Variants in ATP6V1H observed in about 807,000 individuals in gnomAD.
ATP6V1H encodes the protein ATPase H+ transporting V1 subunit H.
In ATP6V1H, 39 loss-of-function variants were observed where a neutral mutation model predicts 71.7. The observed-to-expected ratio is 0.54, with a 90% confidence interval of 0.42 to 0.71. ATP6V1H has a LOEUF of 0.71. Ranked by LOEUF, ATP6V1H falls within the 30% of genes least tolerant of loss-of-function variation. ATP6V1H has a pLI of 0.00. For synonymous variants in ATP6V1H, 192 were observed against 199.3 expected (o/e 0.96, Z 0.31); for missense variants, 509 against 594.9 (o/e 0.86, Z 1.50).
chr8:53,828,467 C>T (rs1810892567), intron 4 of ATP6V1H, among the ~76,000 whole-genome samples: 1 of 152,190 alleles, frequency 6.6e-6, no homozygotes, highest in African/African-American at 2.4e-5. Context: ...TGCCGACTCA[C>T]AGCTCCCTCA....
chr8:53,747,066 A>G (rs1296965071), intron 12 of ATP6V1H, among the ~76,000 whole-genome samples: 1 of 152,240 alleles, frequency 6.6e-6, no homozygotes, highest in Non-Finnish European at 1.5e-5. Flanking sequence ...AAACTTTTAA[A>G]TATTCTAAAA....
chr8:53,729,279 G>A (rs1475108734), intron 13 of ATP6V1H, among the ~76,000 whole-genome samples: 1 of 152,134 alleles, frequency 6.6e-6, no homozygotes, highest in South Asian at 2.1e-4. Context: ...TGGAAGAGAG[G>A]AAGAAGAAAA....
chr8:53,772,306 CT>C, intron 9 of ATP6V1H, 139 bp from the exon 10 acceptor site: 2 of 668,496 alleles, frequency 3.0e-6, no homozygotes, highest in East Asian at 5.6e-5. Flanking sequence ...ATGACTCTAT[CT>C]CAAATCCTTA....
At chr8:53,801,098 A>G (rs1447702192) in intron 8 of ATP6V1H, among the ~76,000 whole-genome samples, 1 of 152,224 alleles carries the variant, frequency 6.6e-6, no homozygotes, top group Non-Finnish European at 1.5e-5. Flanking sequence ...GAAAAGACCT[A>G]GAATATTTGG....
Position 53,811,151 on chromosome 8 carries a change from G to A in ATP6V1H, c.579+13C>T, listed in dbSNP as rs1810261274. 1 of 1,610,552 alleles carries A rather than the reference G, an allele frequency of 6.2e-7. No individual in the cohort carries two copies. Among genetic ancestry groups the A allele is most frequent in the Non-Finnish European group, 8.5e-7 (1 of 1,177,374 alleles). Reference sequence around the variant, plus strand: ...TTTTGGGGATGTTTAGGCCAGTGAAGGAATATACTTACATCACTTGAAGAG... The same window carrying A: ...TTTTGGGGATGTTTAGGCCAGTGAAAGAATATACTTACATCACTTGAAGAG... On this transcript the variant is annotated intron_variant, in intron 7 of 13. Coordinates refer to ENST00000359530, the MANE Select transcript of ATP6V1H (RefSeq NM_015941.4).
chr8:53,804,924 A>AT (rs1249009960), intron 7 of ATP6V1H, among the ~76,000 whole-genome samples: 2 of 152,212 alleles, frequency 1.3e-5, no homozygotes, highest in Non-Finnish European at 1.5e-5. Context: ...TATTACAGTG[A>AT]AAGTCACAAC....
chr8:53,836,796 T>A (rs1277708231), intron 2 of ATP6V1H, among the ~76,000 whole-genome samples: 1 of 152,200 alleles, frequency 6.6e-6, no homozygotes, highest in African/African-American at 2.4e-5. Flanking sequence ...TATATAATCA[T>A]GCACATGTTA....
chr8:53,735,239 A>T (rs1406237736), intron 13 of ATP6V1H, among the ~76,000 whole-genome samples: 3 of 152,226 alleles, frequency 2.0e-5, no homozygotes, highest in Non-Finnish European at 2.9e-5. Context: ...GTGGAGGCTT[A>T]TCCAATACAA....
At chr8:53,724,485 G>A (rs974494805) in intron 13 of ATP6V1H, among the ~76,000 whole-genome samples, 5 of 151,682 alleles carry the variant, frequency 3.3e-5, no homozygotes, top group African/African-American at 1.2e-4. Flanking sequence ...GCTACATATG[G>A]CCAGAAGACT....
chr8:53,822,286 A>C (rs1810687893), intron 4 of ATP6V1H, among the ~76,000 whole-genome samples: 2 of 152,192 alleles, frequency 1.3e-5, no homozygotes, highest in South Asian at 4.1e-4. Context: ...TGGCAAAAGA[A>C]CCAGTGGTGA....
At chr8:53,790,117 T>C (rs1809522134) in intron 9 of ATP6V1H, among the ~76,000 whole-genome samples, 1 of 152,220 alleles carries the variant, frequency 6.6e-6, no homozygotes, top group Non-Finnish European at 1.5e-5. Context: ...GGACCCTCTC[T>C]CTCTAGTCTT....
chr8:53,803,266 G>A (rs1809974811), intron 7 of ATP6V1H, among the ~76,000 whole-genome samples: 1 of 152,084 alleles, frequency 6.6e-6, no homozygotes, highest in African/African-American at 2.4e-5. Flanking sequence ...GAACCCAGGA[G>A]GCAGAGGTTG....
At chr8:53,732,587 T>C (rs1225429372) in intron 13 of ATP6V1H, among the ~76,000 whole-genome samples, 1 of 151,034 alleles carries the variant, frequency 6.6e-6, no homozygotes. Context: ...CAAATTCCTT[T>C]AGAGTGACTC....
chr8:53,809,768 A>C (rs1810211923), intron 7 of ATP6V1H, among the ~76,000 whole-genome samples: 1 of 152,240 alleles, frequency 6.6e-6, no homozygotes, highest in Admixed American at 6.5e-5. Flanking sequence ...AATTCAAGAC[A>C]CATGAAATGA....
At chr8:53,783,086 T>A in intron 9 of ATP6V1H, among the ~76,000 whole-genome samples, 1 of 152,162 alleles carries the variant, frequency 6.6e-6, no homozygotes, top group East Asian at 1.9e-4. Context: ...TCCCTCTTTT[T>A]CTATTGATTG....
At chr8:53,809,559 A>C (rs369384792) in intron 7 of ATP6V1H, among the ~76,000 whole-genome samples, 30 of 152,200 alleles carry the variant, frequency 2.0e-4, no homozygotes, top group African/African-American at 6.8e-4. Context: ...CTACCAGGTA[A>C]ATCACTTAGA....
intron 4 of ATP6V1H, 54 bp from the exon 5 acceptor site, chr8:53,817,584 G>T: frequency 9.1e-7 from 1 of 1,095,380 alleles, no homozygotes. Context: ...GCTAAAGAAT[G>T]TAACGACTGT....
intron 9 of ATP6V1H, among the ~76,000 whole-genome samples, chr8:53,790,703 T>C (rs1297764728): frequency 6.6e-6 from 1 of 151,990 alleles, no homozygotes; most frequent in African/African-American, 2.4e-5. Flanking sequence ...CATACAGACT[T>C]TGTAGTGAGG....
intron 4 of ATP6V1H, among the ~76,000 whole-genome samples, chr8:53,819,659 TATATAC>T (rs1486807679): frequency 5.4e-5 from 7 of 129,426 alleles, no homozygotes. Flanking sequence ...TGTATATACG[TATATAC>T]ATATATACAT....
Sources: gnomAD v4.1 joint callset for allele counts (sites outside exome capture counted in the v4.1 genomes callset) on GRCh38, gnomAD v4.1.1 for gene constraint, MANE v1.5 for transcripts, NCBI Gene and HGNC (gene_info 2026-07-23, HGNC 2026-07-21) for gene names.